SHISA9: variants seen among roughly 807,000 people sequenced by gnomAD.
SHISA9 encodes shisa family member 9.
In SHISA9, 13 loss-of-function variants were observed where a neutral mutation model predicts 38.0. That is an observed-to-expected ratio of 0.34 (90% CI 0.22 to 0.54). The LOEUF is 0.54. SHISA9 is among the 20% of genes least tolerant of loss of function. The probability of loss-of-function intolerance (pLI) is 0.91; values close to 1 mark genes in which losing one functional copy is unlikely to be tolerated. For synonymous variants in SHISA9, 275 were observed against 242.0 expected (o/e 1.14, Z -1.27); for missense variants, 538 against 575.8 (o/e 0.93, Z 0.67).
the SHISA9 span, among the ~76,000 whole-genome samples, chr16:13,539,467 A>G: frequency 2.0e-5 from 3 of 150,856 alleles, no homozygotes; most frequent in African/African-American, 7.3e-5. Context: ...GTCAACCACT[A>G]TGCTTGGCCC....
chr16:13,428,233 T>C, the SHISA9 span, among the ~76,000 whole-genome samples: 1 of 152,168 alleles, frequency 6.6e-6, no homozygotes, highest in Non-Finnish European at 1.5e-5. Flanking sequence ...AGTATCCTTC[T>C]AACCTAGCAT....
intron 2 of SHISA9, among the ~76,000 whole-genome samples, chr16:13,170,739 C>G (rs2050678803): frequency 1.3e-5 from 2 of 152,170 alleles, no homozygotes; most frequent in Admixed American, 6.5e-5. Context: ...TCACTGCAAC[C>G]TCCACCTCCT....
At chr16:12,975,574 T>A (rs2072147672) in intron 2 of SHISA9, among the ~76,000 whole-genome samples, 1 of 137,640 alleles carries the variant, frequency 7.3e-6, no homozygotes, top group Admixed American at 8.8e-5. Context: ...GTTGTGTGTT[T>A]AAGGATTAAT....
chr16:13,244,918 T>G (rs2051461000), downstream of SHISA9, among the ~76,000 whole-genome samples: 1 of 152,176 alleles, frequency 6.6e-6, no homozygotes, highest in Non-Finnish European at 1.5e-5. Flanking sequence ...TTGCCTACAT[T>G]TATTTACTTA....
chr16:13,084,591 T>A (rs1226016207), intron 2 of SHISA9, among the ~76,000 whole-genome samples: 1 of 152,126 alleles, frequency 6.6e-6, no homozygotes, highest in East Asian at 1.9e-4. Flanking sequence ...GGAGTTACAG[T>A]CCAGTGGGAA....
At chr16:12,939,611 A>C (rs2071582351) in intron 2 of SHISA9, among the ~76,000 whole-genome samples, 1 of 152,128 alleles carries the variant, frequency 6.6e-6, no homozygotes, top group Non-Finnish European at 1.5e-5. Context: ...CACTTGTCCA[A>C]GTGGCTATGT....
At chr16:13,060,335 G>A (rs1164295128) in intron 2 of SHISA9, among the ~76,000 whole-genome samples, 1 of 152,162 alleles carries the variant, frequency 6.6e-6, no homozygotes, top group African/African-American at 2.4e-5. Context: ...GCCTTTGGAA[G>A]GAGCAGACTG....
chr16:13,378,849 C>T, the SHISA9 span, among the ~76,000 whole-genome samples: 1 of 152,178 alleles, frequency 6.6e-6, no homozygotes, highest in Non-Finnish European at 1.5e-5. Flanking sequence ...TTGGGGGTTG[C>T]TCCATAGCTC....
chr16:13,286,766 G>C, the SHISA9 span, among the ~76,000 whole-genome samples: 1 of 152,098 alleles, frequency 6.6e-6, no homozygotes, highest in African/African-American at 2.4e-5. Flanking sequence ...AATGAAGTTA[G>C]CATAAGCCCA....
chr16:13,435,277 C>T, the SHISA9 span, among the ~76,000 whole-genome samples: 2 of 151,448 alleles, frequency 1.3e-5, no homozygotes, highest in Non-Finnish European at 2.9e-5. Context: ...GTCAGGAGCA[C>T]TTAGAACTGC....
intron 2 of SHISA9, among the ~76,000 whole-genome samples, chr16:13,167,083 T>C (rs1199112613): frequency 1.3e-5 from 2 of 148,990 alleles, no homozygotes; most frequent in African/African-American, 2.5e-5. Flanking sequence ...TTTTTTTTTT[T>C]TTTTTTGAGA....
chr16:13,410,874 A>G, the SHISA9 span, among the ~76,000 whole-genome samples: 1 of 152,228 alleles, frequency 6.6e-6, no homozygotes, highest in African/African-American at 2.4e-5. Context: ...CCTGATTTGT[A>G]TGTAACTGAC....
the SHISA9 span, among the ~76,000 whole-genome samples, chr16:13,540,227 AC>A: frequency 6.6e-6 from 1 of 150,540 alleles, no homozygotes; most frequent in Admixed American, 6.6e-5. Context: ...ACACACATAA[AC>A]CTCCTATAGC....
the SHISA9 span, among the ~76,000 whole-genome samples, chr16:13,559,189 T>G: frequency 1.3e-5 from 2 of 151,896 alleles, no homozygotes; most frequent in South Asian, 4.2e-4. Context: ...CAGTATCGAG[T>G]TTATTTAAAT....
intron 2 of SHISA9, among the ~76,000 whole-genome samples, chr16:13,149,303 G>A (rs2050476230): frequency 6.6e-6 from 1 of 152,198 alleles, no homozygotes; most frequent in Admixed American, 6.5e-5. Flanking sequence ...TGGCATTGAA[G>A]GGCAGCTGGG....
intron 2 of SHISA9, among the ~76,000 whole-genome samples, chr16:13,075,382 T>G (rs2073568625): frequency 6.6e-6 from 1 of 152,182 alleles, no homozygotes. Context: ...CATGGCTCCC[T>G]GAGCCCCGAA....
At chr16:13,117,448 CTT>C (rs1191579045) in intron 2 of SHISA9, among the ~76,000 whole-genome samples, 1 of 152,168 alleles carries the variant, frequency 6.6e-6, no homozygotes, top group Non-Finnish European at 1.5e-5. Flanking sequence ...GTGCCTGTGA[CTT>C]TATTTGGTAA....
rs368646540 is a variant in SHISA9, at chr16:13,080,139, C to T, written c.692-123255C>T. On this transcript the variant is annotated intron_variant, in intron 2 of 4. Transcript: ENST00000558583. ...CTGTAATCCCAGCACTTTGGGAGGC[C>T]GAGGCAGGAGGATCACGAGGTCAGG... is the stretch of plus-strand genomic sequence containing the variant. Among the ~76,000 whole-genome samples the T allele has an allele frequency of 4.8e-4, 73 of 152,040 alleles. 1 individual carries two copies. In the East Asian group the frequency reaches 0.012, roughly 26 times the overall value.
the SHISA9 span, among the ~76,000 whole-genome samples, chr16:13,335,973 T>C: frequency 6.6e-6 from 1 of 152,210 alleles, no homozygotes; most frequent in South Asian, 2.1e-4. Context: ...GAAGCAAAGA[T>C]CATGTGCCGC....
Sources: gnomAD v4.1 joint callset for allele counts (sites outside exome capture counted in the v4.1 genomes callset) on GRCh38, gnomAD v4.1.1 for gene constraint, MANE v1.5 for transcripts, NCBI Gene and HGNC (gene_info 2026-07-23, HGNC 2026-07-21) for gene names.